Variants in KIAA1671 observed in about 807,000 individuals in gnomAD.
The protein encoded by KIAA1671 is uncharacterized protein KIAA1671.
KIAA1671 carries 52 observed loss-of-function variants against 131.2 expected under a neutral mutation model. The ratio of observed to expected loss-of-function variants is 0.40; its 90% CI spans 0.32 to 0.50. The LOEUF is 0.50. Among genes scored for constraint, KIAA1671 ranks in the 20% least tolerant of loss-of-function variants. The pLI is 0.73. For missense variants in KIAA1671, 2,360 were observed against 2,364.2 expected, an observed-to-expected ratio of 1.00 and a Z score of 0.04; for synonymous variants, 1,003 against 961.6, an observed-to-expected ratio of 1.04 and a Z score of -0.80.
At chr22:25,034,282 G>A (rs1032464230) in intron 4 of KIAA1671, among the ~76,000 whole-genome samples, 8 of 151,956 alleles carry the variant, frequency 5.3e-5, no homozygotes, top group African/African-American at 1.9e-4. Context: ...CTGACCTCAA[G>A]TGATCCACCC....
intron 6 of KIAA1671, among the ~76,000 whole-genome samples, chr22:25,081,312 A>C (rs1234159014): frequency 1.3e-5 from 2 of 152,354 alleles, no homozygotes; most frequent in East Asian, 3.9e-4. Context: ...AGAGTCAGAC[A>C]GATGTGGGTT....
At chr22:25,135,934 G>A (rs1022293039) in intron 6 of KIAA1671, among the ~76,000 whole-genome samples, 4 of 152,234 alleles carry the variant, frequency 2.6e-5, no homozygotes, top group Non-Finnish European at 5.9e-5. Flanking sequence ...GCCACCCTGC[G>A]AGGTAGGTAT....
At chr22:25,061,088 A>G (rs899439662) in intron 6 of KIAA1671, 1 of 151,988 alleles carries the variant, frequency 6.6e-6, no homozygotes, top group Admixed American at 6.5e-5. Context: ...TTCATGGATG[A>G]TATTTTCTCT....
At chr22:25,031,956 G>A (rs879563747) in intron 3 of KIAA1671, among the ~76,000 whole-genome samples, 6 of 152,176 alleles carry the variant, frequency 3.9e-5, no homozygotes, top group Non-Finnish European at 7.3e-5. Context: ...AACTAAACAC[G>A]TGCTACATCT....
At chr22:25,150,761 C>G (rs1933007755) in intron 6 of KIAA1671, among the ~76,000 whole-genome samples, 1 of 151,846 alleles carries the variant, frequency 6.6e-6, no homozygotes, top group African/African-American at 2.4e-5. Context: ...GCACCCCGCT[C>G]CTCAAGTCCG....
chr22:25,177,483 G>A lies in KIAA1671; in HGVS notation c.5035G>A (p.Asp1679Asn). 6.4e-7 allele frequency: 1 copy of A among 1,551,606 alleles called. No individual in the cohort carries two copies. Among genetic ancestry groups the A allele is most frequent in the Admixed American group, 2.0e-5 (1 of 50,998 alleles). The change falls in exon 9 of 13, where the codon GAT (aspartate) becomes AAT (asparagine). Residue 1679 changes from aspartate (D) to asparagine (N), a missense_variant. Physicochemically the swap from Asp to Asn is conservative, Grantham distance 23. This residue lies in a region of KIAA1671 where 1,161 missense variants were observed against 1,204.7 expected (regional missense o/e 0.96). Transcript: ENST00000358431. ...SESESRSPLE[D>N]ETDNTWMFKD... Reference sequence around the variant, plus strand: ...GTCCGAGAGCAGATCACCTTTGGAGGATGAGACTGACAACACGTGGATGTT... The same window carrying A: ...GTCCGAGAGCAGATCACCTTTGGAGAATGAGACTGACAACACGTGGATGTT...
intron 6 of KIAA1671, among the ~76,000 whole-genome samples, chr22:25,098,316 C>A (rs974965725): frequency 6.6e-6 from 1 of 152,108 alleles, no homozygotes; most frequent in East Asian, 1.9e-4. Flanking sequence ...TCTCCCCTTT[C>A]GTTCCCTTCT....
In KIAA1671 at chr22:25,195,787, A is replaced by G. The variant is rs74793945; in HGVS notation, c.*3386A>G. The G allele has an allele frequency of 2.0e-4, 31 of 152,084 alleles. No individual in the cohort carries two copies. The highest frequency in any genetic ancestry group is 7.2e-4 in the African/African-American group (30 of 41,506). The allele number at this position is 152,084 out of a possible 1,614,324, so 9.4% of individuals were successfully genotyped here. A position where few individuals can be genotyped will look rare whatever the true frequency, so the allele number is the denominator to read the frequency against. The stretch of plus-strand genomic sequence containing the variant: ...CTCCTGGAACTAGTCGTAATTGCAA[A>G]CTGTAAAAATCCCTCCTCCCCAGTG... On this transcript the variant is annotated 3_prime_UTR_variant, in exon 13 of 13. Coordinates refer to ENST00000358431, the MANE Select transcript of KIAA1671 (RefSeq NM_001145206.2).
chr22:24,988,268 G>A (rs1923655809), intron 1 of KIAA1671, among the ~76,000 whole-genome samples: 1 of 129,776 alleles, frequency 7.7e-6, no homozygotes. Flanking sequence ...CAACAAGAGT[G>A]AAACTCCATC....
At chr22:25,016,649 C>G (rs943388614) in intron 1 of KIAA1671, among the ~76,000 whole-genome samples, 1 of 152,126 alleles carries the variant, frequency 6.6e-6, no homozygotes, top group African/African-American at 2.4e-5. Flanking sequence ...ATGACAAATC[C>G]AGACAGAAAG....
chr22:25,025,182 C>T (rs1466026390), intron 1 of KIAA1671, among the ~76,000 whole-genome samples: 17 of 68,252 alleles, frequency 2.5e-4, no homozygotes, highest in African/African-American at 8.7e-4. Context: ...CTCGAATGCT[C>T]AGTAGCTACC....
rs554210310 is a variant in KIAA1671 at position 25,185,088 on chromosome 22, G to C, written c.5311G>C (p.Val1771Leu). ...CCAGCCTGGGGTGCTGGGCAGTCGC[G>C]TGCTGCCTTCCAGCATGGACAAGGA... ...PFQPGVLGSR[V>L]LPSSMDKDER... Residue 1771 changes from valine to leucine, a missense_variant, in exon 11 of 13, where the codon GTG becomes CTG. This residue lies in a region of KIAA1671 where 1,161 missense variants were observed against 1,204.7 expected (regional missense o/e 0.96). Coordinates refer to ENST00000358431, the MANE Select transcript of KIAA1671 (RefSeq NM_001145206.2). 1 of 1,551,510 alleles carries C rather than the reference G, an allele frequency of 6.4e-7. No homozygotes were observed. The highest frequency in any genetic ancestry group is 2.4e-5 in the East Asian group (1 of 40,902).
chr22:24,972,486 A>G (rs1488862826), intron 1 of KIAA1671, among the ~76,000 whole-genome samples: 2 of 151,670 alleles, frequency 1.3e-5, no homozygotes, highest in Non-Finnish European at 2.9e-5. Context: ...CCATCCATCC[A>G]TATATGCATC....
intron 6 of KIAA1671, among the ~76,000 whole-genome samples, chr22:25,092,998 A>T (rs1601303901): frequency 6.6e-6 from 1 of 152,054 alleles, no homozygotes; most frequent in Non-Finnish European, 1.5e-5. Context: ...TGGATGGGGG[A>T]GTTGCAGATT....
chr22:25,131,038 G>A (rs1301903775), intron 6 of KIAA1671, among the ~76,000 whole-genome samples: 1 of 152,218 alleles, frequency 6.6e-6, no homozygotes, highest in East Asian at 1.9e-4. Context: ...GTGATGTGGT[G>A]CTGGTCACCA....
chr22:24,981,047 A>C (rs1923206097), intron 1 of KIAA1671, among the ~76,000 whole-genome samples: 2 of 147,514 alleles, frequency 1.4e-5, no homozygotes, highest in Non-Finnish European at 3.0e-5. Flanking sequence ...ATGCCCGGCC[A>C]ACACTTGTTA....
intron 6 of KIAA1671, among the ~76,000 whole-genome samples, chr22:25,068,561 C>G (rs374486861): frequency 6.6e-6 from 1 of 152,158 alleles, no homozygotes; most frequent in Admixed American, 6.5e-5. Flanking sequence ...CTCAGCCTCC[C>G]GAGTAGCTGG....
chr22:25,126,537 G>A (rs750608947), intron 6 of KIAA1671, among the ~76,000 whole-genome samples: 1 of 152,234 alleles, frequency 6.6e-6, no homozygotes, highest in Non-Finnish European at 1.5e-5. Context: ...AGCCCTAGGT[G>A]CCCATGTAAA....
chr22:25,055,333 G>C (rs1927776964), intron 6 of KIAA1671: 2 of 149,992 alleles, frequency 1.3e-5, no homozygotes, highest in Admixed American at 6.6e-5. Context: ...CTAGATTTCA[G>C]TTGGTTGACA....
Sources: gnomAD v4.1 joint callset for allele counts (sites outside exome capture counted in the v4.1 genomes callset) on GRCh38, gnomAD v4.1.1 for gene constraint, gnomAD v4.1.1 regional missense constraint, MANE v1.5 for transcripts, NCBI Gene and HGNC (gene_info 2026-07-23, HGNC 2026-07-21) for gene names.